Variants in FRMD1 observed in about 807,000 individuals in gnomAD.
FRMD1 encodes FERM domain containing 1, also known as FERM domain-containing protein 1.
A neutral mutation model predicts 54.9 loss-of-function variants in FRMD1; 51 were observed. The ratio of observed to expected loss-of-function variants is 0.93; its 90% CI spans 0.74 to 1.17. The LOEUF is 1.17. Ranked by LOEUF, FRMD1 falls within the 50% of genes most tolerant of loss-of-function variation. The probability of loss-of-function intolerance (pLI) is 0.00; values close to 1 mark genes in which losing one functional copy is unlikely to be tolerated. For synonymous variants in FRMD1, 324 were observed against 306.4 expected (o/e 1.06, Z -0.60); for missense variants, 729 against 743.0 (o/e 0.98, Z 0.22).
upstream of FRMD1, among the ~76,000 whole-genome samples, chr6:168,082,984 TC>T (rs1304105209): frequency 6.6e-6 from 1 of 152,076 alleles, no homozygotes; most frequent in Non-Finnish European, 1.5e-5. Flanking sequence ...AGCTGAGGAA[TC>T]CAAGCCTGGC....
rs1272590100 is a variant in FRMD1, at chr6:168,059,412, C to T, written c.1343-224G>A. On this transcript the variant is annotated intron_variant, in intron 9 of 10. Transcript: ENST00000283309. The surrounding 1 kb of genome is among the most constrained non-coding windows in gnomAD (Gnocchi z 4.4). ...GATGCGGGATTAGCACGGTGATTCC[C>T]GCTGGGTTACAGGCCACAGAGCTTG... 2.6e-5 allele frequency among the ~76,000 whole-genome samples: 4 copies of T among 152,320 alleles called. No homozygotes were observed. Among genetic ancestry groups the T allele is most frequent in the African/African-American group, 4.8e-5 (2 of 41,570 alleles).
intron 9 of FRMD1, among the ~76,000 whole-genome samples, chr6:168,060,245 A>G (rs1254021274): frequency 1.6e-5 from 2 of 125,736 alleles, no homozygotes; most frequent in African/African-American, 6.1e-5. Flanking sequence ...GGGTCTTCCT[A>G]TGTGTGGGGA....
intron 5 of FRMD1, 121 bp downstream of exon 5, chr6:168,064,750 C>G (rs544408720): frequency 6.9e-7 from 1 of 1,456,546 alleles, no homozygotes; most frequent in Admixed American, 2.4e-5. Context: ...GTTTCCATCC[C>G]TGACCCTTGC....
Position 168,063,654 on chromosome 6 carries a change from G to A in FRMD1, c.751C>T (p.Gln251Ter). Residue 251 changes from glutamine to a stop codon, truncating the protein, a stop_gained, in exon 6 of 11, where the codon CAG becomes TAG. Transcript: ENST00000283309. LOFTEE classifies it high-confidence loss of function. ...SPKEAMLCFI[Q>*]EACRLEDVPV... ...ACGTCCTCCAGCCGGCAGGCCTCCT[G>A]GATGAAGCACAGCATGGCCTCCTTG... is the stretch of plus-strand genomic sequence containing the variant. 6.2e-7 allele frequency: 1 copy of A among 1,613,798 alleles called. No individual in the cohort carries two copies. The highest frequency in any genetic ancestry group is 8.5e-7 in the Non-Finnish European group (1 of 1,179,876).
chr6:168,073,741 A>G (rs1297907763), intron 2 of FRMD1, among the ~76,000 whole-genome samples: 1 of 152,150 alleles, frequency 6.6e-6, no homozygotes, highest in African/African-American at 2.4e-5. Flanking sequence ...GCTTCGTCCA[A>G]AAGGATCCTA....
chr6:168,063,804 T>G, intron 5 of FRMD1, 48 bp from the exon 6 acceptor site: 1 of 1,549,480 alleles, frequency 6.5e-7, no homozygotes, highest in Non-Finnish European at 8.7e-7. Context: ...TGGTCCCCCC[T>G]TCCTCCTTGC....
chr6:168,075,716 G>A, intron 1 of FRMD1: 1 of 1,513,504 alleles, frequency 6.6e-7, no homozygotes, highest in South Asian at 1.2e-5. Context: ...GGTTCCCCAT[G>A]AGCGCGAGCA....
chr6:168,074,681 T>G (rs1292942192), intron 2 of FRMD1, among the ~76,000 whole-genome samples: 1 of 148,230 alleles, frequency 6.7e-6, no homozygotes. Context: ...TATGTGTGAG[T>G]GGTGTGTAAT....
chr6:168,065,912 T>A (rs1800002621), intron 4 of FRMD1: 1 of 1,000,274 alleles, frequency 1.0e-6, no homozygotes, highest in South Asian at 4.7e-5. Context: ...TGAAGCTCTG[T>A]TCTGGAAGTA....
chr6:168,088,312 T>G (rs1800956542), intron 1 of FRMD1, among the ~76,000 whole-genome samples: 1 of 152,182 alleles, frequency 6.6e-6, no homozygotes, highest in South Asian at 2.1e-4. Flanking sequence ...TCGGGTTCAG[T>G]GCCTGCTCTC....
chr6:168,082,104 C>A (rs996480454), upstream of FRMD1, among the ~76,000 whole-genome samples: 4 of 152,178 alleles, frequency 2.6e-5, no homozygotes, highest in Non-Finnish European at 5.9e-5. Flanking sequence ...CATGCTTGCA[C>A]ACGTATGTTC....
chr6:168,092,530 G>T (rs1294744706), intron 1 of FRMD1, among the ~76,000 whole-genome samples: 1 of 152,088 alleles, frequency 6.6e-6, no homozygotes, highest in Non-Finnish European at 1.5e-5. Flanking sequence ...TCATGGGGGT[G>T]GGGCCTCAGG....
intron 2 of FRMD1, among the ~76,000 whole-genome samples, chr6:168,071,371 G>A (rs191303688): frequency 9.2e-5 from 14 of 152,312 alleles, no homozygotes; most frequent in African/African-American, 2.2e-4. Flanking sequence ...AGCACTTCCC[G>A]TATAAAAAGT....
chr6:168,062,722 C>A (rs758969090), intron 7 of FRMD1, 172 bp downstream of exon 7: 1 of 1,554,906 alleles, frequency 6.4e-7, no homozygotes, highest in Non-Finnish European at 8.7e-7. Flanking sequence ...ACAGCAGCTG[C>A]GGAGCACGGT....
intron 1 of FRMD1, among the ~76,000 whole-genome samples, chr6:168,092,350 T>C (rs73032033): frequency 0.1 from 15,234 of 152,234 alleles, 828 homozygotes; most frequent in Non-Finnish European, 0.13. Flanking sequence ...AAGGTCTGTG[T>C]CCCCCAAATT....
rs1390841546 is a variant in FRMD1, at chr6:168,056,861, G to C, written c.*236C>G. 2 of 401,110 alleles carry C rather than the reference G, an allele frequency of 5.0e-6. No individual in the cohort carries two copies. Among genetic ancestry groups the C allele is most frequent in the Non-Finnish European group, 8.6e-6 (2 of 231,546 alleles). The allele number at this position is 401,110 out of a possible 1,614,324, so 24.8% of individuals were successfully genotyped here. On this transcript the variant is annotated 3_prime_UTR_variant, in exon 11 of 11. Coordinates refer to ENST00000283309, the MANE Select transcript of FRMD1 (RefSeq NM_024919.6). ...CCTTGAACTGGCTCCCTGAGACCCT[G>C]AGGGAAAGAGCTCCCGGGTGTATGG...
intron 10 of FRMD1, among the ~76,000 whole-genome samples, chr6:168,058,243 G>A (rs1489674270): frequency 1.7e-4 from 23 of 131,740 alleles, no homozygotes; most frequent in Admixed American, 1.6e-3. Flanking sequence ...TCCGCCTCCC[G>A]TGCCCAGCCC....
chr6:168,082,482 G>A (rs1288032982), upstream of FRMD1, among the ~76,000 whole-genome samples: 1 of 152,226 alleles, frequency 6.6e-6, no homozygotes, highest in East Asian at 1.9e-4. Flanking sequence ...GGAGGTCCCT[G>A]CTGTCCGTCA....
intron 2 of FRMD1, among the ~76,000 whole-genome samples, chr6:168,072,598 CGGTGAACGTCCGGCGGT>C (rs1800365136): frequency 6.6e-6 from 1 of 152,304 alleles, no homozygotes; most frequent in South Asian, 2.1e-4. Context: ...TCCAACATGT[CGGTGAACGTCCGGCGGT>C]GATGAACATG....
Sources: allele counts gnomAD v4.1 joint callset (sites outside exome capture counted in the v4.1 genomes callset), GRCh38; gene constraint gnomAD v4.1.1; non-coding constraint Gnocchi (gnomAD v3.1); transcripts MANE v1.5; gene names NCBI Gene and HGNC (gene_info 2026-07-23, HGNC 2026-07-21).